Variants in MYO10 observed in about 807,000 individuals in gnomAD.
MYO10 encodes the protein myosin X, also known as unconventional myosin-X.
Under a neutral mutation model 257.3 loss-of-function variants are expected in MYO10, and 133 were observed. The ratio of observed to expected loss-of-function variants is 0.52; its 90% CI spans 0.45 to 0.60. The LOEUF (loss-of-function observed/expected upper bound fraction) is 0.60, where lower values mean the gene tolerates loss of function less well. MYO10 is among the 20% of genes least tolerant of loss of function. MYO10 has a pLI of 0.00. For missense variants in MYO10, 2,399 were observed against 2,635.7 expected, an observed-to-expected ratio of 0.91 and a Z score of 1.97; for synonymous variants, 1,104 against 1,028.6, an observed-to-expected ratio of 1.07 and a Z score of -1.40.
At chr5:16,724,230 A>T (rs1739266859) in intron 19 of MYO10, among the ~76,000 whole-genome samples, 1 of 152,236 alleles carries the variant, frequency 6.6e-6, no homozygotes, top group Admixed American at 6.5e-5. Context: ...ACTGCATTTC[A>T]GCTCTGTACT....
intron 19 of MYO10, among the ~76,000 whole-genome samples, chr5:16,741,001 C>A (rs1033031305): frequency 1.3e-5 from 2 of 152,100 alleles, no homozygotes; most frequent in Non-Finnish European, 2.9e-5. Context: ...TTATTCATTT[C>A]TTTTAAATGT....
intron 3 of MYO10, among the ~76,000 whole-genome samples, chr5:16,798,550 C>T (rs1382661814): frequency 1.3e-5 from 2 of 152,166 alleles, no homozygotes; most frequent in Non-Finnish European, 2.9e-5. Context: ...ACCACAGACA[C>T]TCCAGTGCCT....
In MYO10 at chr5:16,670,749, C is replaced by A. The variant is rs371933281; in HGVS notation, c.5660G>T (p.Gly1887Val). The A allele has an allele frequency of 1.2e-5, 20 of 1,613,870 alleles. No individual in the cohort carries two copies. In the African/African-American group the frequency reaches 2.4e-4, roughly 19 times the overall value. The change falls in exon 39 of 41, where the codon GGG (glycine) becomes GTG (valine). Residue 1887 changes from glycine to valine, a missense_variant. This residue lies in a region of MYO10 where 1,820 missense variants were observed against 1,939.4 expected (regional missense o/e 0.94). Transcript: ENST00000513610. ...LEKRRTSFLE[G>V]TLRRSFRTGS... The stretch of plus-strand genomic sequence containing the variant: ...TGTCCGGAAGCTCCGCCTCAGGGTC[C>A]CCTCTAGGAAGCTCGTCCGCCTCTT...
intron 1 of MYO10, among the ~76,000 whole-genome samples, chr5:16,898,529 C>T (rs1745276507): frequency 6.6e-6 from 1 of 151,582 alleles, no homozygotes; most frequent in Non-Finnish European, 1.5e-5. Context: ...TCTCCTGCCT[C>T]AGCATCCCGA....
At position 16,873,499 on chromosome 5, in the gene MYO10, C is replaced by T. The variant is rs757020042; in HGVS notation, c.120+4110G>A. Among the ~76,000 whole-genome samples, 4 of 152,182 alleles carry T rather than the reference C, an allele frequency of 2.6e-5. 1 individual carries two copies. The South Asian group carries it at 8.3e-4, about 31-fold the overall frequency. Reference sequence around the variant, plus strand: ...ATTCTGCGGACTGGAGGACAGTGGCCCTCTTCTCACAGCTCCACTAGGCGG... The same window carrying T: ...ATTCTGCGGACTGGAGGACAGTGGCTCTCTTCTCACAGCTCCACTAGGCGG... On this transcript the variant is annotated intron_variant, in intron 2 of 40. Coordinates refer to ENST00000513610, the MANE Select transcript of MYO10 (RefSeq NM_012334.3).
At chr5:16,809,421 A>G (rs1742368076) in intron 3 of MYO10, among the ~76,000 whole-genome samples, 1 of 152,218 alleles carries the variant, frequency 6.6e-6, no homozygotes, top group Non-Finnish European at 1.5e-5. Context: ...AAAATGAAAC[A>G]CAGATTTCAA....
chr5:16,909,314 C>T (rs1330231769), intron 1 of MYO10, among the ~76,000 whole-genome samples: 1 of 152,066 alleles, frequency 6.6e-6, no homozygotes, highest in Non-Finnish European at 1.5e-5. Flanking sequence ...CGAGACCAGC[C>T]TGACCACATG....
Position 16,681,358 on chromosome 5 carries a change from G to A in MYO10, c.4335C>T (p.Asn1445=), listed in dbSNP as rs958048029. ...NALKLGTLVL[N]SLCSVVPPDE... The stretch of plus-strand genomic sequence containing the variant: ...CTGGGGGGACGACAGAGCAGAGGCT[G>A]TTGAGGACCAGGGTCCCCAGTTTGA... The change falls in exon 32 of 41, where the codon AAC becomes AAT. Residue 1445 remains asparagine, a synonymous_variant. Transcript: ENST00000513610. 3 of 1,613,956 alleles carry A rather than the reference G, an allele frequency of 1.9e-6. No homozygotes were observed. The highest frequency in any genetic ancestry group is 1.7e-6 in the Non-Finnish European group (2 of 1,179,878).
intron 1 of MYO10, among the ~76,000 whole-genome samples, chr5:16,929,414 A>G (rs1746236665): frequency 6.6e-6 from 1 of 152,134 alleles, no homozygotes; most frequent in Non-Finnish European, 1.5e-5. Flanking sequence ...GAGCCTAGAG[A>G]AGATGACGCA....
chr5:16,841,156 A>C (rs1376503359), intron 2 of MYO10, among the ~76,000 whole-genome samples: 1 of 152,152 alleles, frequency 6.6e-6, no homozygotes, highest in Non-Finnish European at 1.5e-5. Flanking sequence ...AAAAAAAAAA[A>C]AAAAGGAGAT....
chr5:16,888,744 C>T (rs1204413667), intron 1 of MYO10, among the ~76,000 whole-genome samples: 1 of 150,556 alleles, frequency 6.6e-6, no homozygotes, highest in Non-Finnish European at 1.5e-5. Flanking sequence ...ACCCCCATCT[C>T]TTAAAAAAAA....
Position 16,704,207 on chromosome 5 carries a change from C to T in MYO10, c.2276+372G>A, listed in dbSNP as rs548303651. Among the ~76,000 whole-genome samples, 57 of 151,960 alleles carry T rather than the reference C, an allele frequency of 3.8e-4. 1 individual carries two copies. The highest frequency in any genetic ancestry group is 3.4e-3 in the Middle Eastern group (1 of 294). On this transcript the variant is annotated intron_variant, in intron 22 of 40. Coordinates refer to ENST00000513610, the MANE Select transcript of MYO10 (RefSeq NM_012334.3). ...AGGCATGGTGGTGTGTGTCTGTAGT[C>T]CCAACTACTTGGGAGTCTGAGGTGA...
At chr5:16,739,758 G>C (rs1367369139) in intron 19 of MYO10, among the ~76,000 whole-genome samples, 1 of 152,060 alleles carries the variant, frequency 6.6e-6, no homozygotes, top group Non-Finnish European at 1.5e-5. Context: ...AATTTAAAGG[G>C]AAGAAAAGTA....
At chr5:16,860,647 G>C (rs985586222) in intron 2 of MYO10, among the ~76,000 whole-genome samples, 1 of 152,092 alleles carries the variant, frequency 6.6e-6, no homozygotes, top group African/African-American at 2.4e-5. Context: ...TGAGAGGATG[G>C]GAGAAGGAAG....
At chr5:16,781,315 A>G (rs1490511819) in intron 6 of MYO10, among the ~76,000 whole-genome samples, 1 of 152,196 alleles carries the variant, frequency 6.6e-6, no homozygotes, top group East Asian at 1.9e-4. Flanking sequence ...CCTGACCTCA[A>G]GTGATCTGAC....
intron 19 of MYO10, among the ~76,000 whole-genome samples, chr5:16,715,112 A>AT (rs1561204442): frequency 2.1e-5 from 3 of 143,078 alleles, no homozygotes; most frequent in African/African-American, 7.8e-5. Context: ...ATTAAAAAAA[A>AT]ATTTTTTAAA....
At chr5:16,870,369 C>T (rs992854409) in intron 2 of MYO10, among the ~76,000 whole-genome samples, 1 of 151,320 alleles carries the variant, frequency 6.6e-6, no homozygotes, top group African/African-American at 2.5e-5. Context: ...TTTTCAGGAA[C>T]GTCTTCAAAA....
chr5:16,758,534 C>A (rs566645760), intron 17 of MYO10, among the ~76,000 whole-genome samples: 2 of 152,180 alleles, frequency 1.3e-5, no homozygotes, highest in African/African-American at 4.8e-5. Flanking sequence ...TCTGTAGCCT[C>A]GGTCTCCTCA....
At chr5:16,777,389 CAT>C (rs1476314568) in intron 9 of MYO10, among the ~76,000 whole-genome samples, 5 of 152,154 alleles carry the variant, frequency 3.3e-5, no homozygotes, top group South Asian at 2.1e-4. Context: ...TAAGGAGACA[CAT>C]GTTAGCCATA....
Sources: gnomAD v4.1 joint callset for allele counts (sites outside exome capture counted in the v4.1 genomes callset) on GRCh38, gnomAD v4.1.1 for gene constraint, gnomAD v4.1.1 regional missense constraint, MANE v1.5 for transcripts, NCBI Gene and HGNC (gene_info 2026-07-23, HGNC 2026-07-21) for gene names.